Variants in ADCY3 observed in about 807,000 individuals in gnomAD.
ADCY3 encodes the protein adenylate cyclase 3.
In ADCY3, 70 loss-of-function variants were observed where a neutral mutation model predicts 119.4. The ratio of observed to expected loss-of-function variants is 0.59; its 90% CI spans 0.48 to 0.72. ADCY3 has a LOEUF of 0.72. Ranked by LOEUF, ADCY3 falls within the 30% of genes least tolerant of loss-of-function variation. The probability of loss-of-function intolerance (pLI) is 0.00; values close to 1 mark genes in which losing one functional copy is unlikely to be tolerated. For missense variants in ADCY3, 1,238 were observed against 1,541.6 expected, an observed-to-expected ratio of 0.80 and a Z score of 3.30; for synonymous variants, 672 against 621.4, an observed-to-expected ratio of 1.08 and a Z score of -1.21.
chr2:24,918,904 A>C lies in ADCY3; in HGVS notation c.84T>G (p.Pro28=). The part of the protein sequence containing the change: ...AEYSVSLPSD[P]DRGVGRTHEI... ...CATGGGTCCGGCCCACCCCGCGGTC[A>C]GGGTCGGAGGGCAGGCTGACGGAGT... The change falls in exon 2 of 22, where the codon CCT becomes CCG. Residue 28 remains proline, a synonymous_variant. Transcript: ENST00000679454. The surrounding 1 kb of genome is among the most constrained non-coding windows in gnomAD (Gnocchi z 5.4). 6.2e-7 allele frequency: 1 copy of C among 1,612,768 alleles called. No homozygotes were observed. Among genetic ancestry groups the C allele is most frequent in the Non-Finnish European group, 8.5e-7 (1 of 1,179,984 alleles).
intron 3 of ADCY3, among the ~76,000 whole-genome samples, chr2:24,871,350 C>T (rs561226601): frequency 1.1e-4 from 17 of 152,322 alleles, no homozygotes; most frequent in Middle Eastern, 3.4e-3. Context: ...GGGGCGAATA[C>T]GATGGGCTAC....
intron 13 of ADCY3, among the ~76,000 whole-genome samples, chr2:24,828,750 G>T (rs560878833): frequency 4.1e-4 from 62 of 152,306 alleles, no homozygotes; most frequent in African/African-American, 1.4e-3. Context: ...TTGCTTGCGC[G>T]ATTCCCGCCA....
intron 2 of ADCY3, among the ~76,000 whole-genome samples, chr2:24,890,739 C>G (rs1230293653): frequency 8.5e-5 from 13 of 152,144 alleles, no homozygotes. Flanking sequence ...TTCAAATAAC[C>G]AGCTTTGGAG....
intron 2 of ADCY3, among the ~76,000 whole-genome samples, chr2:24,914,047 T>A (rs10203482): frequency 1.3e-5 from 2 of 151,396 alleles, no homozygotes; most frequent in Non-Finnish European, 2.9e-5. Flanking sequence ...CTGAGCCCAG[T>A]CCCCTCCTTC....
intron 19 of ADCY3, 171 bp downstream of exon 19, chr2:24,822,340 G>C: frequency 1.1e-6 from 1 of 939,810 alleles, no homozygotes; most frequent in Non-Finnish European, 1.6e-6. Context: ...TTCTCTGCTT[G>C]CCGAACTTTC....
chr2:24,824,795 A>C (rs1668354535), intron 16 of ADCY3, among the ~76,000 whole-genome samples: 1 of 152,210 alleles, frequency 6.6e-6, no homozygotes, highest in Admixed American at 6.5e-5. Flanking sequence ...AGGCTGAGGC[A>C]GGAGAATCAA....
chr2:24,824,778 A>G (rs1487844165), intron 16 of ADCY3, among the ~76,000 whole-genome samples: 1 of 152,112 alleles, frequency 6.6e-6, no homozygotes, highest in African/African-American at 2.4e-5. Flanking sequence ...AATCCCAGCT[A>G]CTCGGGAGGC....
intron 2 of ADCY3, among the ~76,000 whole-genome samples, chr2:24,910,417 T>A (rs1158288245): frequency 6.6e-6 from 1 of 152,070 alleles, no homozygotes; most frequent in South Asian, 2.1e-4. Flanking sequence ...GTTTAAACTG[T>A]TACTCTTTTA....
chr2:24,831,729 G>T lies in ADCY3; in HGVS notation c.1988C>A (p.Thr663Asn). 3 of 1,612,956 alleles carry T rather than the reference G, an allele frequency of 1.9e-6. No homozygotes were observed. The highest frequency in any genetic ancestry group is 3.3e-5 in the Admixed American group (2 of 59,970). ...IDPWLMTNYV[T>N]FMVGEILLLI... Reference sequence around the variant, plus strand: ...GAGCAGAATCTCCCCCACCATGAAGGTCACATAGTTTGTCATTAGCCTGTG... The same window carrying T: ...GAGCAGAATCTCCCCCACCATGAAGTTCACATAGTTTGTCATTAGCCTGTG... Residue 663 changes from threonine (T) to asparagine (N), a missense_variant, in exon 12 of 22, where the codon ACC becomes AAC. Thr to Asn is a moderately conservative substitution (Grantham distance 65). This residue lies in a region of ADCY3 where 499 missense variants were observed against 571.0 expected (regional missense o/e 0.87). Coordinates refer to ENST00000679454, the MANE Select transcript of ADCY3 (RefSeq NM_004036.5).
intron 2 of ADCY3, among the ~76,000 whole-genome samples, chr2:24,911,533 C>A (rs1663644461): frequency 6.6e-6 from 1 of 151,598 alleles, no homozygotes; most frequent in African/African-American, 2.4e-5. Flanking sequence ...GCCTGAAATC[C>A]CAGCTACTTG....
chr2:24,827,861 GGAA>G (rs767804097), intron 14 of ADCY3, 38 bp downstream of exon 14: 11 of 1,608,490 alleles, frequency 6.8e-6, no homozygotes, highest in East Asian at 2.2e-5. Flanking sequence ...GCGGGCGGGA[GGAA>G]GGAGACAATA....
rs1040564948 is a variant in ADCY3 at position 24,904,171 on chromosome 2, GAGAGAGAGAAAGAA to G, written c.675+14128_675+14141del. Among the ~76,000 whole-genome samples the G allele has an allele frequency of 1.4e-4, 22 of 152,296 alleles. 1 individual carries two copies. In the East Asian group the frequency reaches 2.3e-3, roughly 16 times the overall value. On this transcript the variant is annotated intron_variant, in intron 2 of 21. Transcript: ENST00000679454. ...AGAGAAAGAAAGAAAGAAAAAGAGA[GAGAGAGAGAAAGAA>G]AGAGAGAGAAAGAAAAGAGGCAGAG... is the stretch of plus-strand genomic sequence containing the variant.
rs1440544896 is a variant in ADCY3, at chr2:24,904,137, CA to C, written c.675+14175del. Among the ~76,000 whole-genome samples, 9 of 150,196 alleles carry C rather than the reference CA, an allele frequency of 6.0e-5. No individual in the cohort carries two copies. In the South Asian group the frequency reaches 8.4e-4, roughly 14 times the overall value. ...TGCAAAAAGGAAGGAAGGAAGGAGA[CA>C]GAGAGAGAGAGAAAGAAAGAAAGAA... On this transcript the variant is annotated intron_variant, in intron 2 of 21. Coordinates refer to ENST00000679454, the MANE Select transcript of ADCY3 (RefSeq NM_004036.5).
chr2:24,868,623 G>A (rs1674604877), intron 3 of ADCY3, among the ~76,000 whole-genome samples: 1 of 152,000 alleles, frequency 6.6e-6, no homozygotes, highest in Admixed American at 6.6e-5. Context: ...AACAGAGCAA[G>A]ATTCAGTCTC....
At position 24,839,933 on chromosome 2, in the gene ADCY3, T is replaced by C; in HGVS notation, c.1295A>G (p.Tyr432Cys). The C allele has an allele frequency of 6.2e-7, 1 of 1,613,846 alleles. No individual in the cohort carries two copies. Among genetic ancestry groups the C allele is most frequent in the Non-Finnish European group, 8.5e-7 (1 of 1,180,012 alleles). The part of the protein sequence containing the change: ...GGVLGQKRWQ[Y>C]DVWSTDVTVA... ...AGTGACATCAGTCGACCACACGTCG[T>C]ACTGCCAGCGCTTCTGGCCCAGGAC... Residue 432 changes from tyrosine to cysteine, a missense_variant, in exon 7 of 22, where the codon TAC (tyrosine) becomes TGC (cysteine). Coordinates refer to ENST00000679454, the MANE Select transcript of ADCY3 (RefSeq NM_004036.5).
chr2:24,851,769 A>G (rs1036827466), intron 3 of ADCY3, among the ~76,000 whole-genome samples: 33 of 152,322 alleles, frequency 2.2e-4, no homozygotes, highest in African/African-American at 7.9e-4. Flanking sequence ...TTCCTTCCTC[A>G]GCAAAGGACC....
chr2:24,860,836 C>T (rs1244244827), intron 3 of ADCY3, among the ~76,000 whole-genome samples: 17 of 152,134 alleles, frequency 1.1e-4, no homozygotes, highest in South Asian at 2.1e-4. Context: ...AGGTCACCAG[C>T]GCATCCCTAC....
At chr2:24,838,883 G>C (rs185768885) in intron 7 of ADCY3, 9 of 1,594,524 alleles carry the variant, frequency 5.6e-6, no homozygotes, top group African/African-American at 4.0e-5. Flanking sequence ...CACGACACAG[G>C]AGTACAATCT....
chr2:24,826,296 T>C, intron 15 of ADCY3, 170 bp from the exon 16 acceptor site: 1 of 597,532 alleles, frequency 1.7e-6, no homozygotes, highest in Non-Finnish European at 3.0e-6. Context: ...TAAAATTTTC[T>C]TAACTCACTG....
Sources: gnomAD v4.1 joint callset for allele counts (sites outside exome capture counted in the v4.1 genomes callset) on GRCh38, gnomAD v4.1.1 for gene constraint, gnomAD v4.1.1 regional missense constraint, Gnocchi (gnomAD v3.1) non-coding constraint, MANE v1.5 for transcripts, NCBI Gene and HGNC (gene_info 2026-07-23, HGNC 2026-07-21) for gene names.